Variants in ATP11C observed in about 807,000 individuals in gnomAD.
The protein encoded by ATP11C is ATPase phospholipid transporting 11C (ATP11C blood group).
Under a neutral mutation model 97.4 loss-of-function variants are expected in ATP11C, and 36 were observed. The ratio of observed to expected loss-of-function variants is 0.37; its 90% CI spans 0.28 to 0.49. ATP11C has a LOEUF of 0.49. Ranked by LOEUF, ATP11C falls within the 20% of genes least tolerant of loss-of-function variation. ATP11C has a pLI of 0.98. For missense variants in ATP11C, 730 were observed against 824.6 expected, an observed-to-expected ratio of 0.89 and a Z score of 1.40; for synonymous variants, 275 against 290.9, an observed-to-expected ratio of 0.95 and a Z score of 0.56.
At chrX:139,796,223 G>T (rs769506915) in intron 12 of ATP11C, 50 bp downstream of exon 12, 115 of 972,815 alleles carry the variant, frequency 1.2e-4, no homozygotes, top group Non-Finnish European at 1.5e-4. Flanking sequence ...TACACAAAAA[G>T]ATATTTTCAC....
chrX:139,769,281 CATATATATATATATATATATATATAT>C (rs55984113), intron 19 of ATP11C, among the ~76,000 whole-genome samples: 2,169 of 28,113 alleles, frequency 0.077, 145 homozygotes, highest in African/African-American at 0.21. Flanking sequence ...GGCAAACATA[CATATATATATATATATATATATATAT>C]ATATATATAT....
intron 28 of ATP11C, among the ~76,000 whole-genome samples, chrX:139,733,171 T>A (rs73579520): frequency 0.018 from 1,992 of 112,009 alleles, 52 homozygotes; most frequent in African/African-American, 0.061. Context: ...ATAGGCTAAA[T>A]TTTACCTGGG....
intron 1 of ATP11C, among the ~76,000 whole-genome samples, chrX:139,905,544 A>G (rs2084960826): frequency 1.8e-5 from 2 of 112,067 alleles, no homozygotes; most frequent in Admixed American, 1.9e-4. Context: ...CCACAAAAAT[A>G]AGAAATCCCA....
intron 1 of ATP11C, among the ~76,000 whole-genome samples, chrX:139,907,459 A>C (rs1469435232): frequency 9.0e-6 from 1 of 111,675 alleles, no homozygotes; most frequent in Non-Finnish European, 1.9e-5. Flanking sequence ...CATAGAAAAG[A>C]AGCTGCTGGC....
intron 1 of ATP11C, among the ~76,000 whole-genome samples, chrX:139,848,447 A>C (rs1262677711): frequency 9.1e-6 from 1 of 109,866 alleles, no homozygotes; most frequent in Middle Eastern, 4.4e-3. Context: ...TTTCAGCTCC[A>C]TAACTTCTAC....
intron 1 of ATP11C, among the ~76,000 whole-genome samples, chrX:139,845,867 C>T (rs1172920378): frequency 8.9e-6 from 1 of 112,113 alleles, no homozygotes; most frequent in African/African-American, 3.2e-5. Context: ...AATACTGTCC[C>T]ATTCTTTTTA....
chrX:139,775,030 T>G, intron 18 of ATP11C, 77 bp from the exon 19 acceptor site: 1 of 1,023,213 alleles, frequency 9.8e-7, no homozygotes, highest in East Asian at 3.2e-5. Context: ...TTAAAGAGAA[T>G]ATTTTTATAA....
chrX:139,763,113 T>C (rs774953062), intron 21 of ATP11C, among the ~76,000 whole-genome samples: 14 of 112,628 alleles, frequency 1.2e-4, no homozygotes, highest in Non-Finnish European at 1.9e-4. Context: ...CTTTGTTACA[T>C]TGCTACATTT....
At chrX:139,878,585 C>G (rs1044143025) in intron 1 of ATP11C, among the ~76,000 whole-genome samples, 2 of 111,498 alleles carry the variant, frequency 1.8e-5, no homozygotes, top group Admixed American at 9.6e-5. Flanking sequence ...CTGTTAGGTA[C>G]CAAAGACTGA....
At chrX:139,886,828 G>GTT (rs1394233887) in intron 1 of ATP11C, among the ~76,000 whole-genome samples, 1 of 109,750 alleles carries the variant, frequency 9.1e-6, no homozygotes, top group African/African-American at 3.3e-5. Flanking sequence ...ATAAAATCCC[G>GTT]TTTCTTTTTC....
chrX:139,934,294 G>T (rs774655034), upstream of ATP11C, among the ~76,000 whole-genome samples: 1 of 111,423 alleles, frequency 9.0e-6, no homozygotes, highest in African/African-American at 3.3e-5. Context: ...AAATGCAAAT[G>T]CAGGAGACCT....
intron 12 of ATP11C, among the ~76,000 whole-genome samples, chrX:139,792,372 T>C (rs1178179854): frequency 2.7e-5 from 3 of 111,103 alleles, no homozygotes; most frequent in Admixed American, 1.9e-4. Flanking sequence ...CCAGTAAACA[T>C]GACTGTTTCC....
chrX:139,810,312 G>A (rs774257067), intron 5 of ATP11C, among the ~76,000 whole-genome samples: 35 of 110,957 alleles, frequency 3.2e-4, no homozygotes, highest in South Asian at 7.7e-4. Context: ...AAAATTAGTC[G>A]GGCATGGTGG....
intron 1 of ATP11C, among the ~76,000 whole-genome samples, chrX:139,922,451 G>A (rs1180515769): frequency 1.9e-5 from 2 of 106,724 alleles, no homozygotes; most frequent in African/African-American, 6.8e-5. Flanking sequence ...AGGTTTTGGT[G>A]TTTCTGCTGT....
intron 13 of ATP11C, among the ~76,000 whole-genome samples, chrX:139,788,645 T>C (rs2082626916): frequency 8.9e-6 from 1 of 111,923 alleles, no homozygotes; most frequent in Admixed American, 9.5e-5. Context: ...CAGTATCTAA[T>C]TCACAATCTA....
chrX:139,852,142 A>G (rs2084000009), intron 1 of ATP11C, among the ~76,000 whole-genome samples: 1 of 106,947 alleles, frequency 9.4e-6, no homozygotes, highest in African/African-American at 3.7e-5. Flanking sequence ...AAAAAAAAAG[A>G]AAAAGAAAAA....
intron 1 of ATP11C, among the ~76,000 whole-genome samples, chrX:139,901,005 C>G (rs900995240): frequency 9.0e-6 from 1 of 111,622 alleles, no homozygotes; most frequent in Non-Finnish European, 1.9e-5. Flanking sequence ...CTACTTAGAT[C>G]AAAGAAGGTA....
chrX:139,776,886 C>T (rs1271539471), intron 18 of ATP11C, among the ~76,000 whole-genome samples: 1 of 111,851 alleles, frequency 8.9e-6, no homozygotes, highest in Non-Finnish European at 1.9e-5. Flanking sequence ...CTGAGAAAGC[C>T]ACTGCACTGA....
At chrX:139,863,370 T>C (rs2084232980) in intron 1 of ATP11C, among the ~76,000 whole-genome samples, 1 of 110,249 alleles carries the variant, frequency 9.1e-6, no homozygotes. Context: ...CAATCTCTAC[T>C]AAAAATACAA....
Sources: allele counts gnomAD v4.1 joint callset (sites outside exome capture counted in the v4.1 genomes callset), GRCh38; gene constraint gnomAD v4.1.1; transcripts MANE v1.5; gene names NCBI Gene and HGNC (gene_info 2026-07-23, HGNC 2026-07-21).